Variants in NYAP2 observed in about 807,000 individuals in gnomAD.
NYAP2 encodes neuronal tyrosine-phosphorylated phosphoinositide-3-kinase adaptor 2.
A neutral mutation model predicts 50.4 loss-of-function variants in NYAP2; 23 were observed. The ratio of observed to expected loss-of-function variants is 0.46; its 90% CI spans 0.33 to 0.65. The LOEUF (loss-of-function observed/expected upper bound fraction) is 0.65. Ranked by LOEUF, NYAP2 falls within the 30% of genes least tolerant of loss-of-function variation. The pLI, the probability that NYAP2 is intolerant of heterozygous loss-of-function variation, is 0.02. For synonymous variants in NYAP2, 394 were observed against 365.2 expected (o/e 1.08, Z -0.90); for missense variants, 885 against 861.0 (o/e 1.03, Z -0.35).
intron 4 of NYAP2, among the ~76,000 whole-genome samples, chr2:225,539,042 G>A (rs1019540835): frequency 2.6e-4 from 39 of 151,668 alleles, no homozygotes; most frequent in African/African-American, 5.3e-4. Flanking sequence ...TCCCCTCCCC[G>A]TGTCTGTGTG....
intron 5 of NYAP2, among the ~76,000 whole-genome samples, chr2:225,618,818 G>A (rs1400841418): frequency 6.6e-6 from 1 of 152,210 alleles, no homozygotes; most frequent in African/African-American, 2.4e-5. Flanking sequence ...AATTTCACTG[G>A]AAAATAAACG....
intron 4 of NYAP2, among the ~76,000 whole-genome samples, chr2:225,572,162 C>T (rs1014562997): frequency 3.3e-5 from 5 of 152,224 alleles, no homozygotes; most frequent in African/African-American, 1.2e-4. Flanking sequence ...AAGTTTCAAA[C>T]TTTCCCACGT....
the NYAP2 span, among the ~76,000 whole-genome samples, chr2:225,694,267 A>G: frequency 6.6e-6 from 1 of 151,830 alleles, no homozygotes; most frequent in Non-Finnish European, 1.5e-5. Flanking sequence ...AGTTCTTTCA[A>G]TTCCAGGGAG....
chr2:225,650,488 G>A (rs903802119), intron 6 of NYAP2, among the ~76,000 whole-genome samples: 1 of 152,164 alleles, frequency 6.6e-6, no homozygotes, highest in Non-Finnish European at 1.5e-5. Context: ...TTATTTATTA[G>A]GCAAAGACTG....
In NYAP2 at chr2:225,581,924, G is replaced by C. The variant is rs1260633421; in HGVS notation, c.524-17G>C. ...CTATTATACTCATCTATTCCACTACGTTTTTTCTTCTTTTAGCGTCAGCTA... is the reference window on the plus strand; with the variant it reads ...CTATTATACTCATCTATTCCACTACCTTTTTTCTTCTTTTAGCGTCAGCTA... On this transcript the variant is annotated splice_polypyrimidine_tract_variant and intron_variant, in intron 4 of 6. Coordinates refer to ENST00000636099, the Ensembl canonical transcript of NYAP2. The C allele has an allele frequency of 6.3e-7, 1 of 1,582,280 alleles. No individual in the cohort carries two copies. Among genetic ancestry groups the C allele is most frequent in the African/African-American group, 1.4e-5 (1 of 73,518 alleles).
chr2:225,502,691 A>G (rs1198097395), intron 3 of NYAP2, among the ~76,000 whole-genome samples: 1 of 152,136 alleles, frequency 6.6e-6, no homozygotes, highest in Non-Finnish European at 1.5e-5. Flanking sequence ...CTTACTCATG[A>G]TCTGCATCAG....
intron 3 of NYAP2, among the ~76,000 whole-genome samples, chr2:225,473,480 G>T (rs1340725049): frequency 6.6e-6 from 1 of 152,124 alleles, no homozygotes; most frequent in Non-Finnish European, 1.5e-5. Flanking sequence ...GTTGTTTCCT[G>T]ACTTTTTAAT....
chr2:225,447,013 T>A (rs1689574858), intron 3 of NYAP2, among the ~76,000 whole-genome samples: 1 of 151,714 alleles, frequency 6.6e-6, no homozygotes. Context: ...TTTTATAGAC[T>A]TAATGGGAAT....
chr2:225,466,368 A>G (rs1487072451), intron 3 of NYAP2, among the ~76,000 whole-genome samples: 1 of 152,178 alleles, frequency 6.6e-6, no homozygotes, highest in African/African-American at 2.4e-5. Flanking sequence ...GGGTTTAGAA[A>G]GTGAGCATTT....
chr2:225,640,085 T>C (rs903739530), intron 6 of NYAP2, among the ~76,000 whole-genome samples: 3 of 152,246 alleles, frequency 2.0e-5, no homozygotes, highest in Admixed American at 1.3e-4. Flanking sequence ...CCAGGGCTTA[T>C]GTGATCACAT....
chr2:225,447,653 A>T (rs1306637362), intron 3 of NYAP2, among the ~76,000 whole-genome samples: 1 of 152,214 alleles, frequency 6.6e-6, no homozygotes, highest in East Asian at 1.9e-4. Flanking sequence ...GCATGAAAAA[A>T]TCAAACAAAA....
In NYAP2 at chr2:225,582,721, C is replaced by T; in HGVS notation, c.1304C>T (p.Thr435Ile). Residue 435 changes from threonine (T) to isoleucine (I), a missense_variant, in exon 5 of 7, where the codon ACC becomes ATC. Physicochemically the swap from Thr to Ile is moderately conservative, Grantham distance 89. Coordinates refer to ENST00000636099, the Ensembl canonical transcript of NYAP2. This position sits in a 1 kb window ranked among gnomAD's most constrained non-coding sequence, Gnocchi z 7.0. ...CATGGCTACCCTAAAAGTCACTCCACCTCTCCCTCCCCCGTCAGCATGGGG... is the reference window on the plus strand; with the variant it reads ...CATGGCTACCCTAAAAGTCACTCCATCTCTCCCTCCCCCGTCAGCATGGGG... 1 of 1,610,946 alleles carries T rather than the reference C, an allele frequency of 6.2e-7. No individual in the cohort carries two copies. Among genetic ancestry groups the T allele is most frequent in the South Asian group, 1.1e-5 (1 of 90,806 alleles).
chr2:225,570,031 C>T (rs1193429416), intron 4 of NYAP2, among the ~76,000 whole-genome samples: 6 of 152,214 alleles, frequency 3.9e-5, no homozygotes, highest in Non-Finnish European at 5.9e-5. Context: ...ACCACTGTTT[C>T]TGTTCTCTAC....
intron 6 of NYAP2, among the ~76,000 whole-genome samples, chr2:225,648,394 C>T (rs1574730212): frequency 6.6e-6 from 1 of 151,900 alleles, no homozygotes; most frequent in Admixed American, 6.6e-5. Context: ...GGAAAATAGA[C>T]GTTTTTCATG....
chr2:225,582,782 C>A lies in NYAP2; in HGVS notation c.1365C>A (p.Pro455=). 1 of 1,613,938 alleles carries A rather than the reference C, an allele frequency of 6.2e-7. No homozygotes were observed. Among genetic ancestry groups the A allele is most frequent in the East Asian group, 2.2e-5 (1 of 44,866 alleles). The change falls in exon 5 of 7, where the codon CCC becomes CCA. Residue 455 remains proline, a synonymous_variant. Coordinates refer to ENST00000636099, the Ensembl canonical transcript of NYAP2. This position sits in a 1 kb window ranked among gnomAD's most constrained non-coding sequence, Gnocchi z 7.0. ...CTCCCCTGAGCCTCAAAAGGCCTCC[C>A]CCTTACGACGCTGTGCATTCGGGCA... is the stretch of plus-strand genomic sequence containing the variant.
At chr2:225,693,045 G>A in the NYAP2 span, among the ~76,000 whole-genome samples, 2 of 151,944 alleles carry the variant, frequency 1.3e-5, no homozygotes, top group South Asian at 2.1e-4. Context: ...CATTACCATG[G>A]TTCATGTGTC....
chr2:225,442,507 A>G (rs535863135), intron 3 of NYAP2, among the ~76,000 whole-genome samples: 9 of 152,316 alleles, frequency 5.9e-5, no homozygotes, highest in African/African-American at 1.9e-4. Context: ...CCATTTTCAT[A>G]CTTCTATGAA....
At chr2:225,418,803 A>G (rs1401070907) in intron 3 of NYAP2, among the ~76,000 whole-genome samples, 1 of 152,234 alleles carries the variant, frequency 6.6e-6, no homozygotes, top group African/African-American at 2.4e-5. Context: ...AGAAAAGTCA[A>G]AAATTTTGAA....
intron 3 of NYAP2, among the ~76,000 whole-genome samples, chr2:225,487,087 G>C (rs753825495): frequency 6.6e-6 from 1 of 152,212 alleles, no homozygotes; most frequent in African/African-American, 2.4e-5. Context: ...AACACCCTCT[G>C]GGGAATGAGT....
Sources: allele counts gnomAD v4.1 joint callset (sites outside exome capture counted in the v4.1 genomes callset), GRCh38; gene constraint gnomAD v4.1.1; non-coding constraint Gnocchi (gnomAD v3.1); transcripts MANE v1.5; gene names NCBI Gene and HGNC (gene_info 2026-07-23, HGNC 2026-07-21).